Variants in MAML1 observed in about 807,000 individuals in gnomAD.
MAML1 encodes mastermind-like protein 1.
In MAML1, 14 loss-of-function variants were observed where a neutral mutation model predicts 77.1. The ratio of observed to expected loss-of-function variants is 0.18; its 90% confidence interval spans 0.12 to 0.28. The LOEUF is 0.28. Ranked by LOEUF, MAML1 falls within the 10% of genes least tolerant of loss-of-function variation. MAML1 has a pLI of 1.00. For synonymous variants in MAML1, 516 were observed against 551.9 expected (o/e 0.93, Z 0.91); for missense variants, 1,217 against 1,327.8 (o/e 0.92, Z 1.30).
intron 1 of MAML1, among the ~76,000 whole-genome samples, chr5:179,750,136 T>C (rs1312293011): frequency 6.6e-6 from 1 of 152,248 alleles, no homozygotes; most frequent in Non-Finnish European, 1.5e-5. Context: ...TAATCATCTT[T>C]GATATTCATT....
chr5:179,774,611 C>T lies in MAML1; in HGVS notation c.2785C>T (p.Pro929Ser). 3.1e-6 allele frequency: 5 copies of T among 1,612,004 alleles called. No homozygotes were observed. Among genetic ancestry groups the T allele is most frequent in the African/African-American group, 1.3e-5 (1 of 75,054 alleles). ...CCCAACAGCCCCTCAGCAGGGCTTG[C>T]CTGGCCTGAGCCCAGCAGGGCCTGA... Reference protein sequence around the residue: ...PPPTAPQQGLPGLSPAGPELG... With the variant: ...PPPTAPQQGLSGLSPAGPELG... The change falls in exon 5 of 5, where the codon CCT becomes TCT. Residue 929 changes from proline to serine, a missense_variant. By Grantham distance (74) the Pro-to-Ser change is moderately conservative (BLOSUM62 -1). Transcript: ENST00000292599.
chr5:179,754,234 A>T (rs1779568291), intron 1 of MAML1, among the ~76,000 whole-genome samples: 1 of 152,128 alleles, frequency 6.6e-6, no homozygotes, highest in African/African-American at 2.4e-5. Flanking sequence ...CTTAGCTGAG[A>T]TTGCGCCACT....
intron 1 of MAML1, among the ~76,000 whole-genome samples, chr5:179,759,758 GGAGTCCCAGT>G (rs1779690958): frequency 6.6e-6 from 1 of 152,204 alleles, no homozygotes. Context: ...ACCCTCACGT[GGAGTCCCAGT>G]GAGCCACGCT....
intron 2 of MAML1, among the ~76,000 whole-genome samples, chr5:179,768,360 G>A (rs2113378433): frequency 6.6e-6 from 1 of 152,372 alleles, no homozygotes; most frequent in East Asian, 1.9e-4. Flanking sequence ...AGGAGGCTGA[G>A]GCAGGGGAAT....
intron 1 of MAML1, among the ~76,000 whole-genome samples, chr5:179,761,696 A>G (rs1028582936): frequency 6.6e-6 from 1 of 152,070 alleles, no homozygotes; most frequent in Non-Finnish European, 1.5e-5. Context: ...ACTCCGTCTC[A>G]ATAATAATAA....
At chr5:179,756,318 G>A (rs529568013) in intron 1 of MAML1, among the ~76,000 whole-genome samples, 2 of 151,658 alleles carry the variant, frequency 1.3e-5, no homozygotes, top group South Asian at 2.1e-4. Context: ...CCAGCTGCTC[G>A]GGAGGCTGAG....
chr5:179,739,516 G>A (rs1040509065), intron 1 of MAML1, among the ~76,000 whole-genome samples: 3 of 152,104 alleles, frequency 2.0e-5, no homozygotes, highest in African/African-American at 7.2e-5. Context: ...AGCCTGAGCA[G>A]CATAGTGAGA....
chr5:179,751,728 A>G (rs1779493422), intron 1 of MAML1, among the ~76,000 whole-genome samples: 1 of 151,942 alleles, frequency 6.6e-6, no homozygotes, highest in African/African-American at 2.4e-5. Context: ...AATACCGATT[A>G]TGGCCAGGCA....
At chr5:179,740,870 T>C (rs1356948688) in intron 1 of MAML1, among the ~76,000 whole-genome samples, 1 of 152,172 alleles carries the variant, frequency 6.6e-6, no homozygotes, top group Admixed American at 6.5e-5. Context: ...TTAAAAATAT[T>C]AGTGTTCTCT....
At chr5:179,738,321 A>C (rs1779213105) in intron 1 of MAML1, among the ~76,000 whole-genome samples, 1 of 152,214 alleles carries the variant, frequency 6.6e-6, no homozygotes. Context: ...AGAGTTAAGA[A>C]AGCTGTTAAT....
chr5:179,752,240 C>T (rs1340802410), intron 1 of MAML1, among the ~76,000 whole-genome samples: 3 of 146,878 alleles, frequency 2.0e-5, no homozygotes, highest in Middle Eastern at 3.4e-3. Context: ...GCAGGAGAAT[C>T]GCTTGAACGC....
At chr5:179,740,009 A>C (rs1349125108) in intron 1 of MAML1, among the ~76,000 whole-genome samples, 1 of 152,220 alleles carries the variant, frequency 6.6e-6, no homozygotes. Flanking sequence ...AGTGCTAAGC[A>C]AAAATTAAAA....
intron 1 of MAML1, among the ~76,000 whole-genome samples, chr5:179,739,955 T>C (rs1488090159): frequency 6.6e-6 from 1 of 152,168 alleles, no homozygotes; most frequent in Admixed American, 6.5e-5. Context: ...TCTGCTGTCA[T>C]GGAGAAAGAG....
intron 1 of MAML1, among the ~76,000 whole-genome samples, chr5:179,737,557 T>C (rs938846857): frequency 3.3e-5 from 5 of 152,246 alleles, no homozygotes; most frequent in Admixed American, 2.0e-4. Flanking sequence ...TCTTAAGTTT[T>C]TTCCAAGTGA....
Position 179,775,266 on chromosome 5 carries a change from G to C in MAML1, c.*389G>C. ...ACTGCTCCACTTACCCCAGTGCTGG[G>C]GACAAGTTTCTGTTGAAACTTTAGA... On this transcript the variant is annotated 3_prime_UTR_variant, in exon 5 of 5. Coordinates refer to ENST00000292599, the MANE Select transcript of MAML1 (RefSeq NM_014757.5). 1.0e-6 allele frequency: 1 copy of C among 1,004,964 alleles called. No individual in the cohort carries two copies. The highest frequency in any genetic ancestry group is 1.2e-6 in the Non-Finnish European group (1 of 843,594). The allele number at this position is 1,004,964 out of a possible 1,614,324, so 62.3% of individuals were successfully genotyped here.
Position 179,776,373 on chromosome 5 carries a change from G to A in MAML1, c.*1496G>A. ...CCTGAGTCGCGGTGAGGGGACGAGA[G>A]GTTGTACACACATTGGTAGTTATTT... is the stretch of plus-strand genomic sequence containing the variant. On this transcript the variant is annotated 3_prime_UTR_variant, in exon 5 of 5. Coordinates refer to ENST00000292599, the MANE Select transcript of MAML1 (RefSeq NM_014757.5). 1 of 985,838 alleles carries A rather than the reference G, an allele frequency of 1.0e-6. No individual in the cohort carries two copies. Among genetic ancestry groups the A allele is most frequent in the Non-Finnish European group, 1.2e-6 (1 of 829,944 alleles). The allele number at this position is 985,838 out of a possible 1,614,324, so 61.1% of individuals were successfully genotyped here. A position where few individuals can be genotyped will look rare whatever the true frequency, so the allele number is the denominator to read the frequency against.
At chr5:179,768,038 GCAGTCTCTTC>G (rs1319723741) in intron 2 of MAML1, among the ~76,000 whole-genome samples, 1 of 152,228 alleles carries the variant, frequency 6.6e-6, no homozygotes, top group Admixed American at 6.5e-5. Flanking sequence ...CAAAAGCTAA[GCAGTCTCTTC>G]CAGTAAAATG....
chr5:179,774,345 A>G lies in MAML1; in HGVS notation c.2519A>G (p.Gln840Arg). The change falls in exon 5 of 5, where the codon CAG (glutamine) becomes CGG (arginine). Residue 840 changes from glutamine (Q) to arginine (R), a missense_variant. Gln to Arg is a conservative substitution (Grantham distance 43). This residue lies in a region of MAML1 where 884 missense variants were observed against 949.3 expected (regional missense o/e 0.93). Transcript: ENST00000292599. ...ATGGGAGGCCAGAATTCCTCCTGGC[A>G]GCATCAGGGAATGCCGAACCTCAGT... ...PAMGGQNSSW[Q>R]HQGMPNLSGQ... 6.2e-7 allele frequency: 1 copy of G among 1,613,370 alleles called. No individual in the cohort carries two copies. Among genetic ancestry groups the G allele is most frequent in the Non-Finnish European group, 8.5e-7 (1 of 1,180,030 alleles).
At chr5:179,754,273 C>T (rs1487961720) in intron 1 of MAML1, among the ~76,000 whole-genome samples, 6 of 151,992 alleles carry the variant, frequency 3.9e-5, no homozygotes, top group Admixed American at 1.3e-4. Context: ...CAGAGCGAGA[C>T]GCTGTCTCAA....
Sources: gnomAD v4.1 joint callset for allele counts (sites outside exome capture counted in the v4.1 genomes callset) on GRCh38, gnomAD v4.1.1 for gene constraint, gnomAD v4.1.1 regional missense constraint, MANE v1.5 for transcripts, NCBI Gene and HGNC (gene_info 2026-07-23, HGNC 2026-07-21) for gene names.